ERC1: variants seen among roughly 807,000 people sequenced by gnomAD.
ERC1 encodes ELKS/RAB6-interacting/CAST family member 1.
In ERC1, 56 loss-of-function variants were observed where a neutral mutation model predicts 132.0. The observed-to-expected ratio is 0.42, with a 90% confidence interval of 0.34 to 0.53. The LOEUF is 0.53. Ranked by LOEUF, ERC1 falls within the 20% of genes least tolerant of loss-of-function variation. The pLI is 0.03. For missense variants in ERC1, 1,202 were observed against 1,349.9 expected (o/e 0.89, Z 1.72); for synonymous variants, 478 against 476.1 (o/e 1.00, Z -0.05).
intron 1 of ERC1, among the ~76,000 whole-genome samples, chr12:994,560 G>A (rs1483189002): frequency 6.6e-6 from 1 of 152,122 alleles, no homozygotes; most frequent in Non-Finnish European, 1.5e-5. Flanking sequence ...AACCTCTTAA[G>A]CTGGTCAAAT....
chr12:1,039,889 A>G (rs1969880437), intron 2 of ERC1, among the ~76,000 whole-genome samples: 1 of 152,176 alleles, frequency 6.6e-6, no homozygotes, highest in African/African-American at 2.4e-5. Flanking sequence ...ATTAGAAGAT[A>G]CAGTTTTATA....
chr12:1,083,038 A>T, intron 2 of ERC1, 126 bp from the exon 3 acceptor site: 1 of 765,518 alleles, frequency 1.3e-6, no homozygotes. Context: ...GTAAAACAGA[A>T]TAAGGTGAAT....
chr12:1,084,258 A>G (rs1410142491), intron 3 of ERC1, among the ~76,000 whole-genome samples: 1 of 152,086 alleles, frequency 6.6e-6, no homozygotes, highest in East Asian at 1.9e-4. Flanking sequence ...ATTAATAGCC[A>G]TAATAACTTT....
intron 3 of ERC1, among the ~76,000 whole-genome samples, chr12:1,101,480 G>A (rs1944653839): frequency 6.6e-6 from 1 of 152,190 alleles, no homozygotes; most frequent in Non-Finnish European, 1.5e-5. Context: ...GCCACCCACT[G>A]CTGGAATTGT....
At chr12:1,117,274 A>T (rs1165892244) in intron 7 of ERC1, among the ~76,000 whole-genome samples, 1 of 152,238 alleles carries the variant, frequency 6.6e-6, no homozygotes, top group African/African-American at 2.4e-5. Context: ...CTTAGAAGAC[A>T]AGAATCTTCC....
At chr12:1,258,488 C>G (rs1307189832) in intron 13 of ERC1, among the ~76,000 whole-genome samples, 1 of 152,204 alleles carries the variant, frequency 6.6e-6, no homozygotes, top group Non-Finnish European at 1.5e-5. Flanking sequence ...CTTACTTCAT[C>G]GATGTGGTCC....
chr12:1,322,089 G>C (rs1259783533), intron 15 of ERC1, among the ~76,000 whole-genome samples: 3 of 145,082 alleles, frequency 2.1e-5, no homozygotes, highest in Non-Finnish European at 4.6e-5. Context: ...TTTTAAGTTT[G>C]TGATAGTAGA....
chr12:1,163,033 A>G (rs1952024168), intron 8 of ERC1, among the ~76,000 whole-genome samples: 1 of 152,196 alleles, frequency 6.6e-6, no homozygotes, highest in Non-Finnish European at 1.5e-5. Flanking sequence ...TTTGATGATT[A>G]TATTTTTACT....
chr12:1,204,646 C>A, intron 12 of ERC1: 2 of 850,300 alleles, frequency 2.4e-6, no homozygotes, highest in Non-Finnish European at 3.7e-6. Flanking sequence ...GATAAAATGT[C>A]AAGGGTATTG....
chr12:1,095,354 C>G (rs188153381), intron 3 of ERC1, among the ~76,000 whole-genome samples: 1 of 136,952 alleles, frequency 7.3e-6, no homozygotes, highest in Non-Finnish European at 1.5e-5. Flanking sequence ...CGCTTGAACT[C>G]GGGAGGTGGA....
intron 16 of ERC1, among the ~76,000 whole-genome samples, chr12:1,395,052 A>G (rs1355774443): frequency 6.6e-6 from 1 of 152,212 alleles, no homozygotes; most frequent in Non-Finnish European, 1.5e-5. Context: ...GTTCTTTGAG[A>G]ACAGATACAG....
At chr12:1,024,184 C>T (rs1045343051) in intron 1 of ERC1, among the ~76,000 whole-genome samples, 12 of 152,142 alleles carry the variant, frequency 7.9e-5, no homozygotes, top group Admixed American at 7.2e-4. Context: ...AGTTCGAGAC[C>T]AGACTGGGCA....
At chr12:1,065,606 G>C (rs966740390) in intron 2 of ERC1, among the ~76,000 whole-genome samples, 5 of 132,170 alleles carry the variant, frequency 3.8e-5, no homozygotes, top group African/African-American at 8.4e-5. Context: ...GGCGGGGGGG[G>C]ACGGATTTCT....
At chr12:1,487,058 T>C (rs1462256715) in intron 18 of ERC1, among the ~76,000 whole-genome samples, 4 of 152,192 alleles carry the variant, frequency 2.6e-5, no homozygotes, top group Admixed American at 1.3e-4. Flanking sequence ...TCTGTAGCCT[T>C]TTCACTTAGC....
In ERC1 at chr12:1,488,934, C is replaced by T. The variant is rs1341509735; in HGVS notation, c.3214-1159C>T. On this transcript the variant is annotated intron_variant, in intron 18 of 18. Coordinates refer to ENST00000360905, the MANE Select transcript of ERC1 (RefSeq NM_178040.4). ...CCCCCACCTGGGCTGCGAGCAGGAG[C>T]TGCCCTTGGTGGACTCTTCCTTCTG... is the stretch of plus-strand genomic sequence containing the variant. Among the ~76,000 whole-genome samples, 3 of 152,178 alleles carry T rather than the reference C, an allele frequency of 2.0e-5. No homozygotes were observed. The East Asian group carries it at 5.8e-4, about 29-fold the overall frequency.
intron 7 of ERC1, among the ~76,000 whole-genome samples, chr12:1,119,253 GTTTTGTTTT>G (rs1186661694): frequency 1.4e-5 from 2 of 138,728 alleles, no homozygotes; most frequent in Non-Finnish European, 3.1e-5. Context: ...TTTTTGTTTT[GTTTTGTTTT>G]TTTTGTTTTT....
At chr12:1,189,409 G>A (rs1356265914) in intron 11 of ERC1, among the ~76,000 whole-genome samples, 1 of 152,178 alleles carries the variant, frequency 6.6e-6, no homozygotes, top group Non-Finnish European at 1.5e-5. Flanking sequence ...CACGTGTTAG[G>A]TAAAGCAGCA....
chr12:1,346,678 C>CA (rs1405587754), intron 15 of ERC1, among the ~76,000 whole-genome samples: 2 of 151,320 alleles, frequency 1.3e-5, no homozygotes, highest in African/African-American at 2.4e-5. Flanking sequence ...CGCGGTGGCT[C>CA]ACGCCTGTAA....
At chr12:1,069,894 G>C (rs12817372) in intron 2 of ERC1, among the ~76,000 whole-genome samples, 34,544 of 152,110 alleles carry the variant, frequency 0.23, 4,341 homozygotes, top group Middle Eastern at 0.28. Context: ...AAAAAGAATT[G>C]TGAACCCATA....
Sources: allele counts gnomAD v4.1 joint callset (sites outside exome capture counted in the v4.1 genomes callset), GRCh38; gene constraint gnomAD v4.1.1; transcripts MANE v1.5; gene names NCBI Gene and HGNC (gene_info 2026-07-23, HGNC 2026-07-21).